Variants in HHAT observed in about 807,000 individuals in gnomAD.
HHAT encodes hedgehog acyltransferase, also known as protein-cysteine N-palmitoyltransferase HHAT.
In HHAT, 47 loss-of-function variants were observed where a neutral mutation model predicts 70.8. The observed-to-expected ratio is 0.66, with a 90% CI of 0.53 to 0.85. HHAT has a LOEUF of 0.85. Among genes scored for constraint, HHAT ranks in the 40% least tolerant of loss-of-function variants. The pLI is 0.00. For synonymous variants in HHAT, 228 were observed against 247.6 expected (o/e 0.92, Z 0.74); for missense variants, 609 against 604.8 (o/e 1.01, Z -0.07).
At chr1:210,608,644 T>A (rs1228239858) in intron 10 of HHAT, among the ~76,000 whole-genome samples, 2 of 152,168 alleles carry the variant, frequency 1.3e-5, no homozygotes, top group African/African-American at 4.8e-5. Context: ...GTAGTATGAT[T>A]TGAGTAGAGT....
chr1:210,481,602 T>C (rs1229527506), intron 8 of HHAT, among the ~76,000 whole-genome samples: 1 of 152,192 alleles, frequency 6.6e-6, no homozygotes, highest in Non-Finnish European at 1.5e-5. Flanking sequence ...GGAGGTGGCA[T>C]GGGCCTTGTC....
intron 9 of HHAT, among the ~76,000 whole-genome samples, chr1:210,583,951 T>TTTTG (rs1283687409): frequency 1.5e-5 from 2 of 133,132 alleles, no homozygotes; most frequent in African/African-American, 2.8e-5. Context: ...CAGCTAATTT[T>TTTTG]TTTTTTTTTT....
At chr1:210,634,870 T>C (rs1194652266) in intron 11 of HHAT, among the ~76,000 whole-genome samples, 1 of 152,106 alleles carries the variant, frequency 6.6e-6, no homozygotes, top group East Asian at 1.9e-4. Context: ...AAATAAGCAA[T>C]GTGGGAAGCA....
chr1:210,664,815 T>A (rs1003820142), intron 11 of HHAT, among the ~76,000 whole-genome samples: 2 of 152,202 alleles, frequency 1.3e-5, no homozygotes, highest in Non-Finnish European at 2.9e-5. Context: ...TGGCTTTTAC[T>A]CACTCTAGGG....
At chr1:210,611,918 T>G (rs1666661394) in intron 10 of HHAT, among the ~76,000 whole-genome samples, 1 of 152,214 alleles carries the variant, frequency 6.6e-6, no homozygotes, top group Non-Finnish European at 1.5e-5. Context: ...TGGTATTTTA[T>G]TGAGGATTTT....
chr1:210,426,034 A>G (rs1395355697), intron 7 of HHAT, among the ~76,000 whole-genome samples: 1 of 152,112 alleles, frequency 6.6e-6, no homozygotes, highest in African/African-American at 2.4e-5. Context: ...AGTGGGTTGT[A>G]GTTATACTTG....
At chr1:210,661,708 A>G (rs1056368105) in intron 11 of HHAT, among the ~76,000 whole-genome samples, 1 of 152,234 alleles carries the variant, frequency 6.6e-6, no homozygotes, top group African/African-American at 2.4e-5. Flanking sequence ...ATACCATGGA[A>G]TACTATGCAG....
intron 11 of HHAT, among the ~76,000 whole-genome samples, chr1:210,637,033 A>C (rs1453082422): frequency 6.6e-6 from 1 of 152,176 alleles, no homozygotes; most frequent in Non-Finnish European, 1.5e-5. Context: ...AAATTGAGAA[A>C]AACACCTACC....
intron 9 of HHAT, among the ~76,000 whole-genome samples, chr1:210,577,614 C>T (rs1658133269): frequency 7.4e-6 from 1 of 135,596 alleles, no homozygotes; most frequent in Non-Finnish European, 1.6e-5. Context: ...CATCTATGTG[C>T]ATTAGGGATA....
chr1:210,360,022 G>A (rs368451332), intron 2 of HHAT, among the ~76,000 whole-genome samples: 4 of 152,232 alleles, frequency 2.6e-5, no homozygotes, highest in East Asian at 3.9e-4. Context: ...GCAGTGGGCC[G>A]AATGAACCCA....
At chr1:210,388,192 G>C (rs191567271) in intron 4 of HHAT, among the ~76,000 whole-genome samples, 79 of 152,326 alleles carry the variant, frequency 5.2e-4, no homozygotes, top group African/African-American at 1.9e-3. Context: ...AGAGGCCTCT[G>C]ATAAATACTT....
At chr1:210,594,164 A>T (rs1662389459) in intron 10 of HHAT, among the ~76,000 whole-genome samples, 1 of 152,018 alleles carries the variant, frequency 6.6e-6, no homozygotes, top group Non-Finnish European at 1.5e-5. Context: ...ATTTACATTC[A>T]ATGTTATTAT....
intron 10 of HHAT, among the ~76,000 whole-genome samples, chr1:210,614,416 T>A (rs1276562791): frequency 1.3e-5 from 2 of 152,138 alleles, no homozygotes; most frequent in Non-Finnish European, 2.9e-5. Flanking sequence ...ATTTTTTAAA[T>A]ATATATTTAT....
At chr1:210,374,033 A>G (rs1179668419) in intron 3 of HHAT, 4 of 152,254 alleles carry the variant, frequency 2.6e-5, no homozygotes, top group Non-Finnish European at 5.9e-5. Flanking sequence ...GGAAAACAAG[A>G]GTTAACTGTC....
chr1:210,547,201 C>T (rs537762410), intron 9 of HHAT, among the ~76,000 whole-genome samples: 4 of 151,690 alleles, frequency 2.6e-5, no homozygotes, highest in Admixed American at 6.6e-5. Context: ...TGGTGGCGAG[C>T]GCCTGTAATC....
chr1:210,661,333 A>G (rs1677665151), intron 11 of HHAT, among the ~76,000 whole-genome samples: 1 of 151,920 alleles, frequency 6.6e-6, no homozygotes, highest in Non-Finnish European at 1.5e-5. Flanking sequence ...TCACAATGCA[A>G]ATCAAAACCA....
At chr1:210,476,704 C>T (rs189979928) in intron 8 of HHAT, among the ~76,000 whole-genome samples, 158 of 152,316 alleles carry the variant, frequency 1.0e-3, no homozygotes, top group Admixed American at 3.5e-3. Context: ...TGCTTTAACA[C>T]AGCCAGTGTT....
chr1:210,477,886 A>C (rs1037111451), intron 8 of HHAT, among the ~76,000 whole-genome samples: 2 of 152,168 alleles, frequency 1.3e-5, no homozygotes, highest in African/African-American at 4.8e-5. Context: ...AGTAGCTCAG[A>C]TCTTATGACA....
chr1:210,637,899 T>C (rs1031308071), intron 11 of HHAT, among the ~76,000 whole-genome samples: 12 of 149,534 alleles, frequency 8.0e-5, no homozygotes, highest in South Asian at 6.3e-4. Context: ...TGAATAGATA[T>C]GTATGCAGAG....
Sources: allele counts gnomAD v4.1 joint callset (sites outside exome capture counted in the v4.1 genomes callset), GRCh38; gene constraint gnomAD v4.1.1; transcripts MANE v1.5; gene names NCBI Gene and HGNC (gene_info 2026-07-23, HGNC 2026-07-21).